Variants in DIAPH3 observed in about 807,000 individuals in gnomAD.
DIAPH3 encodes the protein protein diaphanous homolog 3.
In DIAPH3, 117 loss-of-function variants were observed where a neutral mutation model predicts 144.3. That is an observed-to-expected ratio of 0.81 (90% confidence interval 0.70 to 0.95). The LOEUF is 0.95. Among genes scored for constraint, DIAPH3 ranks in the 40% least tolerant of loss-of-function variants. The probability of loss-of-function intolerance (pLI) is 0.00; values close to 1 mark genes in which losing one functional copy is unlikely to be tolerated. For synonymous variants in DIAPH3, 519 were observed against 488.9 expected (o/e 1.06, Z -0.81); for missense variants, 1,421 against 1,412.7 (o/e 1.01, Z -0.09).
intron 17 of DIAPH3, among the ~76,000 whole-genome samples, chr13:59,968,868 T>C (rs554881776): frequency 1.4e-4 from 21 of 152,324 alleles, no homozygotes; most frequent in Non-Finnish European, 2.2e-4. Context: ...GGTGCCTGGC[T>C]AACAGTCAAC....
At chr13:60,030,802 C>T (rs2054730164) in intron 5 of DIAPH3, among the ~76,000 whole-genome samples, 1 of 152,158 alleles carries the variant, frequency 6.6e-6, no homozygotes, top group African/African-American at 2.4e-5. Flanking sequence ...CCTAATCACA[C>T]TAGCAATATT....
At chr13:59,841,328 C>T (rs2042328895) in intron 22 of DIAPH3, among the ~76,000 whole-genome samples, 1 of 152,030 alleles carries the variant, frequency 6.6e-6, no homozygotes, top group African/African-American at 2.4e-5. Flanking sequence ...TGGTGATGCA[C>T]ATCTGTAATC....
chr13:59,813,912 G>A (rs2040627713), intron 24 of DIAPH3, among the ~76,000 whole-genome samples: 1 of 151,866 alleles, frequency 6.6e-6, no homozygotes. Context: ...GATAATCATG[G>A]GTTCAAAGAC....
intron 2 of DIAPH3, among the ~76,000 whole-genome samples, chr13:60,116,561 C>T (rs1156255922): frequency 6.6e-6 from 1 of 151,854 alleles, no homozygotes; most frequent in Non-Finnish European, 1.5e-5. Flanking sequence ...AGCACAGAAA[C>T]TATTCTGGTT....
At chr13:60,098,576 A>G (rs1227017067) in intron 3 of DIAPH3, among the ~76,000 whole-genome samples, 1 of 152,188 alleles carries the variant, frequency 6.6e-6, no homozygotes, top group East Asian at 1.9e-4. Context: ...TCAAATTGAA[A>G]GAATAAATAT....
At position 59,948,212 on chromosome 13, in the gene DIAPH3, C is replaced by T. The variant is rs1480100570; in HGVS notation, c.2074+21732G>A. The stretch of plus-strand genomic sequence containing the variant: ...TCCAAAGCCGATGCTTTTCACCTGG[C>T]TTCATGGTTAATTTCCACATTAGAA... On this transcript the variant is annotated intron_variant, in intron 17 of 27. Transcript: ENST00000400324. Among the ~76,000 whole-genome samples the T allele has an allele frequency of 9.9e-5, 15 of 152,182 alleles. No homozygotes were observed. The East Asian group carries it at 2.3e-3, about 23-fold the overall frequency.
Position 59,858,454 on chromosome 13 carries a change from A to G in DIAPH3, c.2737+2953T>C, listed in dbSNP as rs2043384215. ...AAGTTAGTGATTGGATGAATGAGTTACAGACTGAACTAGCACGGTATTTCT... is the reference window on the plus strand; with the variant it reads ...AAGTTAGTGATTGGATGAATGAGTTGCAGACTGAACTAGCACGGTATTTCT... On this transcript the variant is annotated intron_variant, in intron 22 of 27. Transcript: ENST00000400324. 3.3e-5 allele frequency among the ~76,000 whole-genome samples: 5 copies of G among 152,286 alleles called. No homozygotes were observed. The South Asian group carries it at 1.0e-3, about 32-fold the overall frequency.
At chr13:60,021,662 G>A (rs1259185152) in intron 5 of DIAPH3, among the ~76,000 whole-genome samples, 6 of 123,236 alleles carry the variant, frequency 4.9e-5, no homozygotes, top group African/African-American at 1.9e-4. Flanking sequence ...GCAAGGCTCT[G>A]TCTCAAAAAA....
intron 25 of DIAPH3, among the ~76,000 whole-genome samples, chr13:59,791,349 A>G (rs2039315046): frequency 6.6e-6 from 1 of 152,230 alleles, no homozygotes; most frequent in South Asian, 2.1e-4. Context: ...ACACACTAGG[A>G]ACTATCACTT....
intron 13 of DIAPH3, among the ~76,000 whole-genome samples, chr13:59,983,233 G>T (rs185271161): frequency 6.7e-6 from 1 of 149,466 alleles, no homozygotes; most frequent in South Asian, 2.1e-4. Flanking sequence ...GGCTTCGGGG[G>T]GGACAGGCAA....
rs569204408 is a variant in DIAPH3 at position 59,798,860 on chromosome 13, A to G, written c.3163+11928T>C. Among the ~76,000 whole-genome samples the G allele has an allele frequency of 2.0e-3, 309 of 152,290 alleles. 2 individuals carry two copies. Among genetic ancestry groups the G allele is most frequent in the Middle Eastern group, 0.014 (4 of 294 alleles). On this transcript the variant is annotated intron_variant, in intron 25 of 27. Transcript: ENST00000400324. ...TGGGTAGACTTTCCTAGGAAGTTAC[A>G]GAGAGTTGAGTCCAAGAGTGGAGGT...
chr13:59,859,864 C>G lies in DIAPH3; in HGVS notation c.2737+1543G>C, dbSNP rs190163301. 3.4e-4 allele frequency among the ~76,000 whole-genome samples: 52 copies of G among 152,100 alleles called. No homozygotes were observed. In the East Asian group the frequency reaches 3.9e-3, roughly 11 times the overall value. On this transcript the variant is annotated intron_variant, in intron 22 of 27. Coordinates refer to ENST00000400324, the MANE Select transcript of DIAPH3 (RefSeq NM_001042517.2). ...CAAGAAAATAATTTCAATTATTTTC[C>G]CTTCTTGAATCCTATTAAAACATCT... is the stretch of plus-strand genomic sequence containing the variant.
rs565975388 is a variant in DIAPH3 at position 59,795,675 on chromosome 13, G to A, written c.3163+15113C>T. 6.6e-5 allele frequency among the ~76,000 whole-genome samples: 10 copies of A among 151,784 alleles called. No homozygotes were observed. The South Asian group carries it at 1.3e-3, about 19-fold the overall frequency. ...TCACTGTGCGTGCTAAGATGGTCTC[G>A]ATCTCCTGACCTCGTGATCCACCTG... On this transcript the variant is annotated intron_variant, in intron 25 of 27. Coordinates refer to ENST00000400324, the MANE Select transcript of DIAPH3 (RefSeq NM_001042517.2).
At chr13:59,854,145 C>T (rs2043132551) in intron 22 of DIAPH3, among the ~76,000 whole-genome samples, 1 of 151,936 alleles carries the variant, frequency 6.6e-6, no homozygotes. Context: ...AAGATGCAGG[C>T]AGAGAGTGGA....
chr13:60,088,784 G>A (rs1470980494), intron 4 of DIAPH3, among the ~76,000 whole-genome samples: 1 of 152,020 alleles, frequency 6.6e-6, no homozygotes, highest in Non-Finnish European at 1.5e-5. Flanking sequence ...ACTACACCCA[G>A]CTAATTTTTG....
chr13:60,151,452 C>T (rs1423717449), intron 1 of DIAPH3, among the ~76,000 whole-genome samples: 1 of 152,178 alleles, frequency 6.6e-6, no homozygotes, highest in East Asian at 1.9e-4. Flanking sequence ...TCTTCAATAA[C>T]CCACATATGT....
At chr13:59,827,300 A>G (rs1007104461) in intron 24 of DIAPH3, among the ~76,000 whole-genome samples, 1 of 152,154 alleles carries the variant, frequency 6.6e-6, no homozygotes, top group Admixed American at 6.6e-5. Context: ...AAGGGCTAAT[A>G]TCCAGAATCT....
At chr13:59,987,511 CA>C (rs34211050) in intron 12 of DIAPH3, among the ~76,000 whole-genome samples, 80,666 of 127,448 alleles carry the variant, frequency 0.63, 25,578 homozygotes, top group African/African-American at 0.72. Flanking sequence ...AAGACCAAAC[CA>C]AAAAAAAAAA....
At chr13:59,811,265 G>C (rs372713009) in intron 24 of DIAPH3, among the ~76,000 whole-genome samples, 1 of 151,590 alleles carries the variant, frequency 6.6e-6, no homozygotes, top group Non-Finnish European at 1.5e-5. Flanking sequence ...ATTTCCAAAA[G>C]TGTCTAGCAA....
Sources: allele counts gnomAD v4.1 joint callset (sites outside exome capture counted in the v4.1 genomes callset), GRCh38; gene constraint gnomAD v4.1.1; transcripts MANE v1.5; gene names NCBI Gene and HGNC (gene_info 2026-07-23, HGNC 2026-07-21).